SLC7A8: variants seen among roughly 807,000 people sequenced by gnomAD.
SLC7A8 encodes solute carrier family 7 member 8.
Under a neutral mutation model 51.2 loss-of-function variants are expected in SLC7A8, and 30 were observed. The observed-to-expected ratio is 0.59, with a 90% CI of 0.44 to 0.80. The LOEUF is 0.80. SLC7A8 is among the 30% of genes least tolerant of loss of function. The probability of loss-of-function intolerance (pLI) is 0.00; values close to 1 mark genes in which losing one functional copy is unlikely to be tolerated. For missense variants in SLC7A8, 612 were observed against 674.4 expected, an observed-to-expected ratio of 0.91 and a Z score of 1.03; for synonymous variants, 257 against 275.8, an observed-to-expected ratio of 0.93 and a Z score of 0.67.
intron 3 of SLC7A8, chr14:23,154,231 G>T: frequency 1.0e-6 from 1 of 999,240 alleles, no homozygotes; most frequent in African/African-American, 1.7e-5. Flanking sequence ...GTCATGGCCT[G>T]CCAGAAGGGT....
intron 3 of SLC7A8, among the ~76,000 whole-genome samples, chr14:23,154,962 T>TAAAA (rs201310696): frequency 2.9e-4 from 10 of 34,942 alleles, no homozygotes; most frequent in African/African-American, 6.5e-4. Context: ...AGAAAAACGT[T>TAAAA]AAAAAAAAAA....
chr14:23,138,147 C>T (rs944149323), intron 6 of SLC7A8, 123 bp from the exon 7 acceptor site: 1 of 1,236,044 alleles, frequency 8.1e-7, no homozygotes, highest in African/African-American at 1.5e-5. Context: ...TCTCGCCAAG[C>T]TTCTTAATTG....
At position 23,128,095 on chromosome 14, in the gene SLC7A8, G is replaced by T. The variant is rs776041577; in HGVS notation, c.1365C>A (p.Ile455=). The T allele has an allele frequency of 6.2e-7, 1 of 1,614,188 alleles. No individual in the cohort carries two copies. The highest frequency in any genetic ancestry group is 8.5e-7 in the Non-Finnish European group (1 of 1,180,032). Residue 455 remains isoleucine (I), a synonymous_variant, in exon 10 of 11, where the codon ATC becomes ATA. Transcript: ENST00000316902. This position sits in a 1 kb window ranked among gnomAD's most constrained non-coding sequence, Gnocchi z 4.3. ...AATAGACAGGCACTCCTGTCAGCAT[G>T]ATGGCCAGGCCAATGCCACACACCA... ...EPVVCGIGLA[I]MLTGVPVYFL... is the part of the protein sequence containing the mutation.
At position 23,139,679 on chromosome 14, in the gene SLC7A8, G is replaced by A. The variant is rs944482909; in HGVS notation, c.789-132C>T. The stretch of plus-strand genomic sequence containing the variant: ...GCCTTCTGTGAGGCTTCCTTTCCCT[G>A]GGAGGTGGGCTTTGTCTCAATATGG... On this transcript the variant is annotated intron_variant, in intron 5 of 10. Transcript: ENST00000316902. The A allele has an allele frequency of 5.2e-6, 6 of 1,164,746 alleles. No homozygotes were observed. The African/African-American group carries it at 9.4e-5, about 18-fold the overall frequency. 72.2% of individuals were successfully genotyped at this position (1,164,746 alleles called of 1,614,324 possible).
At chr14:23,177,760 A>C (rs1166862452) in intron 1 of SLC7A8, among the ~76,000 whole-genome samples, 1 of 152,182 alleles carries the variant, frequency 6.6e-6, no homozygotes, top group Non-Finnish European at 1.5e-5. Flanking sequence ...AGGCTCACCC[A>C]AGTCTTCCTG....
chr14:23,165,506 C>G lies in SLC7A8; in HGVS notation c.357-70G>C, dbSNP rs542528013. 9 of 1,468,514 alleles carry G rather than the reference C, an allele frequency of 6.1e-6. No individual in the cohort carries two copies. In the East Asian group the frequency reaches 2.1e-4, roughly 34 times the overall value. 91.0% of individuals were successfully genotyped at this position (1,468,514 alleles called of 1,614,324 possible). A position where few individuals can be genotyped will look rare whatever the true frequency, so the allele number is the denominator to read the frequency against. On this transcript the variant is annotated intron_variant, in intron 2 of 10. Coordinates refer to ENST00000316902, the MANE Select transcript of SLC7A8 (RefSeq NM_012244.4). This position sits in a 1 kb window ranked among gnomAD's most constrained non-coding sequence, Gnocchi z 4.2. ...CAGAGCCATCAGGGGAGAGCCCGGG[C>G]AAGTCATGCATCTCTTTTTTATTTT... is the stretch of plus-strand genomic sequence containing the variant.
chr14:23,160,507 C>T (rs982920965), intron 3 of SLC7A8, among the ~76,000 whole-genome samples: 2 of 148,408 alleles, frequency 1.3e-5, no homozygotes, highest in African/African-American at 2.5e-5. Flanking sequence ...GGAGGCAGAG[C>T]TTGCAGTGAG....
At chr14:23,176,127 A>T (rs2048997913) in intron 1 of SLC7A8, among the ~76,000 whole-genome samples, 1 of 152,256 alleles carries the variant, frequency 6.6e-6, no homozygotes, top group Non-Finnish European at 1.5e-5. Context: ...CCTCTGGTCA[A>T]CATCCAGTAG....
In SLC7A8 at chr14:23,125,554, G is replaced by A. The variant is rs936707017; in HGVS notation, c.*1623C>T. The A allele has an allele frequency of 6.6e-6, 1 of 152,576 alleles. No homozygotes were observed. The highest frequency in any genetic ancestry group is 1.5e-5 in the Non-Finnish European group (1 of 68,014). 9.5% of individuals were successfully genotyped at this position (152,576 alleles called of 1,614,324 possible). ...GGAGGAATGAGAAAAGAGGGAATAA[G>A]AAGATGGTCCCCTGACCCTCCAGGG... is the stretch of plus-strand genomic sequence containing the variant. On this transcript the variant is annotated 3_prime_UTR_variant, in exon 11 of 11. Transcript: ENST00000316902.
intron 1 of SLC7A8, among the ~76,000 whole-genome samples, chr14:23,181,782 G>C (rs1877194864): frequency 6.6e-6 from 1 of 152,224 alleles, no homozygotes; most frequent in African/African-American, 2.4e-5. Flanking sequence ...AAAGATAGCA[G>C]AACAATCTCT....
Position 23,128,000 on chromosome 14 carries a change from A to C in SLC7A8, c.1441+19T>G, listed in dbSNP as rs2140298918. Reference sequence around the variant, plus strand: ...AGCCCAGGAGGCCCTGAAGCCAGCCAGAGCCTCCAACAACTCACCAATGAA... The same window carrying C: ...AGCCCAGGAGGCCCTGAAGCCAGCCCGAGCCTCCAACAACTCACCAATGAA... On this transcript the variant is annotated intron_variant, in intron 10 of 10. Transcript: ENST00000316902. The C allele has an allele frequency of 6.2e-7, 1 of 1,607,480 alleles. No homozygotes were observed. Among genetic ancestry groups the C allele is most frequent in the Non-Finnish European group, 8.5e-7 (1 of 1,175,366 alleles).
chr14:23,137,815 G>A, intron 7 of SLC7A8, 106 bp downstream of exon 7: 2 of 1,408,876 alleles, frequency 1.4e-6, no homozygotes, highest in Non-Finnish European at 9.7e-7. Context: ...CCAACATCCA[G>A]ATGCCCACAC....
intron 1 of SLC7A8, among the ~76,000 whole-genome samples, chr14:23,170,197 T>G (rs924618746): frequency 3.3e-5 from 5 of 152,226 alleles, no homozygotes; most frequent in Non-Finnish European, 7.3e-5. Flanking sequence ...ATCAAAGTCA[T>G]GCACTGCATA....
chr14:23,147,950 G>A (rs908579976), intron 3 of SLC7A8, among the ~76,000 whole-genome samples: 2 of 152,182 alleles, frequency 1.3e-5, no homozygotes, highest in African/African-American at 4.8e-5. Flanking sequence ...CAGAGTCCTC[G>A]CTGCAGACCT....
intron 4 of SLC7A8, among the ~76,000 whole-genome samples, chr14:23,141,703 A>C (rs1006213079): frequency 1.3e-5 from 2 of 151,916 alleles, no homozygotes; most frequent in Non-Finnish European, 2.9e-5. Flanking sequence ...ATCTGCCTGC[A>C]TTGGCCTCCC....
At chr14:23,179,837 A>G (rs1877087690) in intron 1 of SLC7A8, among the ~76,000 whole-genome samples, 2 of 151,682 alleles carry the variant, frequency 1.3e-5, no homozygotes, top group South Asian at 4.2e-4. Context: ...AGAAAGAAAG[A>G]TGGGACAAAT....
At chr14:23,135,390 A>T (rs1282531656) in intron 7 of SLC7A8, among the ~76,000 whole-genome samples, 4 of 150,488 alleles carry the variant, frequency 2.7e-5, no homozygotes, top group Non-Finnish European at 5.9e-5. Flanking sequence ...GCGCCTGGAC[A>T]TAAAAGTTAT....
chr14:23,146,271 C>A (rs1020584326), intron 3 of SLC7A8, among the ~76,000 whole-genome samples: 16 of 152,180 alleles, frequency 1.1e-4, no homozygotes, highest in Admixed American at 5.9e-4. Context: ...GGATCTTGAT[C>A]TCAGGGAAGA....
At chr14:23,153,036 C>A (rs1317748692) in intron 3 of SLC7A8, among the ~76,000 whole-genome samples, 1 of 152,186 alleles carries the variant, frequency 6.6e-6, no homozygotes, top group Non-Finnish European at 1.5e-5. Context: ...TTGAAGCCTG[C>A]GCCCTACCAC....
Sources: allele counts gnomAD v4.1 joint callset (sites outside exome capture counted in the v4.1 genomes callset), GRCh38; gene constraint gnomAD v4.1.1; non-coding constraint Gnocchi (gnomAD v3.1); transcripts MANE v1.5; gene names NCBI Gene and HGNC (gene_info 2026-07-23, HGNC 2026-07-21).